SENP2: variants seen among roughly 807,000 people sequenced by gnomAD.
The protein encoded by SENP2 is SUMO specific peptidase 2.
Under a neutral mutation model 86.3 loss-of-function variants are expected in SENP2, and 16 were observed. The ratio of observed to expected loss-of-function variants is 0.19; its 90% CI spans 0.13 to 0.28. The LOEUF is 0.28. Ranked by LOEUF, SENP2 falls within the 10% of genes least tolerant of loss-of-function variation. SENP2 has a pLI of 1.00. For synonymous variants in SENP2, 222 were observed against 238.7 expected (o/e 0.93, Z 0.64); for missense variants, 552 against 703.0 (o/e 0.79, Z 2.43).
intron 13 of SENP2, 44 bp downstream of exon 13, chr3:185,619,546 G>A (rs1476630841): frequency 1.9e-6 from 3 of 1,545,162 alleles, no homozygotes; most frequent in Non-Finnish European, 2.7e-6. Context: ...CTTGGATAAA[G>A]GCCATTTTTT....
At chr3:185,606,826 A>T in intron 6 of SENP2, 1 of 513,398 alleles carries the variant, frequency 1.9e-6, no homozygotes, top group Admixed American at 2.1e-5. Context: ...AGGAGCAGAA[A>T]ATCGTTGTGA....
At chr3:185,597,054 A>G (rs917280847) in intron 2 of SENP2, among the ~76,000 whole-genome samples, 2 of 152,016 alleles carry the variant, frequency 1.3e-5, no homozygotes, top group African/African-American at 4.8e-5. Context: ...GGATTTCACC[A>G]TGTTTGCCAG....
intron 15 of SENP2, among the ~76,000 whole-genome samples, chr3:185,625,198 G>A (rs1347814850): frequency 3.3e-5 from 5 of 151,178 alleles, no homozygotes; most frequent in African/African-American, 1.2e-4. Context: ...TGCAAGCTCC[G>A]CCTCCCGGGT....
chr3:185,587,604 T>C (rs1721831084), intron 1 of SENP2, among the ~76,000 whole-genome samples: 1 of 129,034 alleles, frequency 7.7e-6, no homozygotes, highest in Non-Finnish European at 1.7e-5. Flanking sequence ...TCTCGCTCTG[T>C]CCCCCAGGCT....
intron 13 of SENP2, among the ~76,000 whole-genome samples, chr3:185,621,177 AG>A (rs1209433691): frequency 4.4e-5 from 6 of 136,668 alleles, no homozygotes; most frequent in African/African-American, 1.3e-4. Flanking sequence ...AAAAAAAAAA[AG>A]AGAGAGAGAA....
Position 185,586,475 on chromosome 3 carries a change from C to T in SENP2, c.62C>T (p.Pro21Leu). 6.2e-7 allele frequency: 1 copy of T among 1,613,890 alleles called. No homozygotes were observed. Among genetic ancestry groups the T allele is most frequent in the South Asian group, 1.1e-5 (1 of 91,088 alleles). ...TTCCGTTTCTGCGACCGGTCGGTGCCCCCTGCCCGGGCCCTCCTGAAGAGG... is the reference window on the plus strand; with the variant it reads ...TTCCGTTTCTGCGACCGGTCGGTGCTCCCTGCCCGGGCCCTCCTGAAGAGG... ...TIFRFCDRSV[P>L]PARALLKRRR... Residue 21 changes from proline to leucine, a missense_variant, in exon 1 of 17, where the codon CCC becomes CTC. Around this residue, in one of 2 missense-constraint regions of SENP2, gnomAD observed 383 missense variants for 427.3 expected, o/e 0.90. Coordinates refer to ENST00000296257, the MANE Select transcript of SENP2 (RefSeq NM_021627.3). This position sits in a 1 kb window ranked among gnomAD's most constrained non-coding sequence, Gnocchi z 4.3.
intron 2 of SENP2, among the ~76,000 whole-genome samples, chr3:185,590,892 G>A (rs796123972): frequency 8.7e-3 from 684 of 78,438 alleles, no homozygotes; most frequent in Middle Eastern, 0.042. Flanking sequence ...AAAAAAAAAA[G>A]AAAGTCTCCT....
chr3:185,628,593 G>A (rs907283425), intron 16 of SENP2, among the ~76,000 whole-genome samples: 33 of 152,232 alleles, frequency 2.2e-4, no homozygotes, highest in African/African-American at 5.8e-4. Flanking sequence ...TGCAACCTCC[G>A]CCTCCCGGGT....
chr3:185,621,895 G>C lies in SENP2; in HGVS notation c.1516G>C (p.Glu506Gln). The C allele has an allele frequency of 6.2e-7, 1 of 1,609,902 alleles. No homozygotes were observed. Among genetic ancestry groups the C allele is most frequent in the Middle Eastern group, 1.7e-4 (1 of 6,052 alleles). The change falls in exon 14 of 17, where the codon GAG becomes CAG. Residue 506 changes from glutamate (E) to glutamine (Q), a missense_variant. By Grantham distance (29) the Glu-to-Gln change is conservative. This residue lies in a region of SENP2 where 169 missense variants were observed against 275.7 expected (regional missense o/e 0.61). Coordinates refer to ENST00000296257, the MANE Select transcript of SENP2 (RefSeq NM_021627.3). ...GGGACAAAAGGGCCACAGGATCTGT[G>C]AGATTCTCCTGTAAGTAAAGGTTGA... The part of the protein sequence containing the change: ...SMGQKGHRIC[E>Q]ILLQYLQDES...
chr3:185,629,514 G>A (rs1268408876), intron 16 of SENP2, among the ~76,000 whole-genome samples: 1 of 151,182 alleles, frequency 6.6e-6, no homozygotes, highest in Non-Finnish European at 1.5e-5. Context: ...GGAGGCAGAG[G>A]TTGCAGTGAG....
chr3:185,592,477 A>G (rs1248204254), intron 2 of SENP2, among the ~76,000 whole-genome samples: 2 of 152,128 alleles, frequency 1.3e-5, no homozygotes, highest in Non-Finnish European at 2.9e-5. Context: ...ATTTGGGTCT[A>G]CCTCCAGATG....
intron 7 of SENP2, 82 bp from the exon 8 acceptor site, chr3:185,611,569 A>G (rs1722699743): frequency 1.2e-6 from 1 of 820,096 alleles, no homozygotes; most frequent in Non-Finnish European, 2.0e-6. Context: ...CTATTTGGAG[A>G]AGCTTGCTGG....
intron 16 of SENP2, 72 bp from the exon 17 acceptor site, chr3:185,629,710 A>G: frequency 2.1e-6 from 3 of 1,432,526 alleles, no homozygotes; most frequent in Non-Finnish European, 3.0e-6. Flanking sequence ...TTATTACATG[A>G]TTACACCTGA....
intron 11 of SENP2, among the ~76,000 whole-genome samples, chr3:185,616,700 G>A (rs1225699075): frequency 1.3e-5 from 2 of 151,638 alleles, no homozygotes; most frequent in African/African-American, 4.8e-5. Flanking sequence ...GCGTGACCCC[G>A]GGAGGCGGAG....
chr3:185,614,852 G>A, intron 11 of SENP2, 112 bp downstream of exon 11: 1 of 972,430 alleles, frequency 1.0e-6, no homozygotes, highest in South Asian at 1.5e-5. Context: ...GTGAATATAT[G>A]AAAACATGTC....
rs1331658190 is a variant in SENP2, at chr3:185,600,781, T to C, written c.375T>C (p.Asn125=). ...TTTAAATAGGTAATAAATCTCCTAA[T>C]GGAATAAGTGACTATCCAAAGATCA... ...NMLKLGNKSP[N]GISDYPKIRV... Residue 125 remains asparagine, a synonymous_variant, in exon 5 of 17, where the codon AAT becomes AAC. Transcript: ENST00000296257. 2 of 1,604,166 alleles carry C rather than the reference T, an allele frequency of 1.2e-6. No homozygotes were observed. The highest frequency in any genetic ancestry group is 2.7e-5 in the African/African-American group (2 of 74,698).
chr3:185,601,946 CT>C (rs1722360572), intron 5 of SENP2, among the ~76,000 whole-genome samples: 1 of 152,006 alleles, frequency 6.6e-6, no homozygotes, highest in Admixed American at 6.5e-5. Context: ...CCTTCTTGCT[CT>C]TTTTAAAAAC....
chr3:185,589,966 C>A, intron 1 of SENP2, 148 bp from the exon 2 acceptor site: 1 of 425,552 alleles, frequency 2.3e-6, no homozygotes. Flanking sequence ...CTGTGTCCCA[C>A]CAGCATTCTC....
At chr3:185,614,945 T>G (rs1231047455) in intron 11 of SENP2, among the ~76,000 whole-genome samples, 2 of 152,208 alleles carry the variant, frequency 1.3e-5, no homozygotes. Context: ...ATCAGATTGA[T>G]ATTCAGCAAA....
Sources: gnomAD v4.1 joint callset for allele counts (sites outside exome capture counted in the v4.1 genomes callset) on GRCh38, gnomAD v4.1.1 for gene constraint, gnomAD v4.1.1 regional missense constraint, Gnocchi (gnomAD v3.1) non-coding constraint, MANE v1.5 for transcripts, NCBI Gene and HGNC (gene_info 2026-07-23, HGNC 2026-07-21) for gene names.